ITGB5: variants seen among roughly 807,000 people sequenced by gnomAD.
ITGB5 encodes the protein integrin subunit beta 5.
Under a neutral mutation model 84.8 loss-of-function variants are expected in ITGB5, and 38 were observed. The ratio of observed to expected loss-of-function variants is 0.45; its 90% CI spans 0.35 to 0.59. The LOEUF (loss-of-function observed/expected upper bound fraction) is 0.59. ITGB5 is among the 20% of genes least tolerant of loss of function. The pLI is 0.01. For synonymous variants in ITGB5, 393 were observed against 414.4 expected (o/e 0.95, Z 0.63); for missense variants, 905 against 1,034.5 (o/e 0.87, Z 1.72).
chr3:124,834,477 A>AGGGAAGGAT (rs2064900955), intron 5 of ITGB5, among the ~76,000 whole-genome samples: 1 of 133,102 alleles, frequency 7.5e-6, no homozygotes, highest in Non-Finnish European at 1.6e-5. Flanking sequence ...GAGAGAAAGA[A>AGGGAAGGAT]GGGAAGGATG....
In ITGB5 at chr3:124,873,312, G is replaced by A. The variant is rs1579326291; in HGVS notation, c.156+134C>T. On this transcript the variant is annotated intron_variant, in intron 2 of 14. Coordinates refer to ENST00000296181, the MANE Select transcript of ITGB5 (RefSeq NM_002213.5). ...GATTTGTCATCACTCTGCCCTGATG[G>A]GGAAGAGGCAGCTTACAGAATCTGC... 5.5e-6 allele frequency: 4 copies of A among 730,768 alleles called. No individual in the cohort carries two copies. The African/African-American group carries it at 6.9e-5, about 13-fold the overall frequency. 45.3% of individuals were successfully genotyped at this position (730,768 alleles called of 1,614,324 possible).
intron 9 of ITGB5, among the ~76,000 whole-genome samples, chr3:124,798,377 C>A (rs779355798): frequency 2.6e-5 from 4 of 151,798 alleles, no homozygotes; most frequent in Non-Finnish European, 5.9e-5. Flanking sequence ...AAAATGTCAT[C>A]ATTCACTTGA....
At chr3:124,767,010 C>T (rs1011753046) in intron 12 of ITGB5, among the ~76,000 whole-genome samples, 1 of 152,234 alleles carries the variant, frequency 6.6e-6, no homozygotes, top group African/African-American at 2.4e-5. Context: ...CAACTCCCTG[C>T]CCCCTTGCTG....
intron 9 of ITGB5, among the ~76,000 whole-genome samples, chr3:124,801,117 C>G (rs1260892399): frequency 2.0e-5 from 3 of 152,170 alleles, no homozygotes; most frequent in Admixed American, 1.3e-4. Flanking sequence ...GCACAGGCTA[C>G]AGAGTCCCGA....
chr3:124,867,027 G>A (rs1405038807), intron 2 of ITGB5, among the ~76,000 whole-genome samples: 3 of 151,976 alleles, frequency 2.0e-5, no homozygotes, highest in Admixed American at 1.3e-4. Flanking sequence ...TTTCATTTCA[G>A]TTGGCCCATC....
chr3:124,808,237 A>C (rs1166135155), intron 9 of ITGB5, among the ~76,000 whole-genome samples: 1 of 152,184 alleles, frequency 6.6e-6, no homozygotes, highest in Non-Finnish European at 1.5e-5. Flanking sequence ...TTTGTTTCTA[A>C]CTAGATTCTT....
intron 1 of ITGB5, chr3:124,894,604 T>C (rs1362682687): frequency 6.6e-6 from 1 of 152,196 alleles, no homozygotes. Context: ...GCAATCACAA[T>C]GCGTTCCTCT....
chr3:124,771,184 T>TTAAC (rs941884776), intron 11 of ITGB5, among the ~76,000 whole-genome samples: 33 of 152,332 alleles, frequency 2.2e-4, no homozygotes, highest in Non-Finnish European at 4.0e-4. Flanking sequence ...TGAGAGCCTG[T>TTAAC]TAACTGAAAT....
chr3:124,815,470 C>G (rs1240082946), intron 8 of ITGB5, among the ~76,000 whole-genome samples: 4 of 152,242 alleles, frequency 2.6e-5, no homozygotes, highest in Non-Finnish European at 4.4e-5. Context: ...ATGAGCTGCT[C>G]TTCAGCCATT....
rs540811049 is a variant in ITGB5, at chr3:124,866,684, C to T, written c.156+6762G>A. ...CGGGGAGCTGGCTTCTTGCTAAGGC[C>T]GACCTTTCTGGCTGGGATATGGCAG... On this transcript the variant is annotated intron_variant, in intron 2 of 14. Coordinates refer to ENST00000296181, the MANE Select transcript of ITGB5 (RefSeq NM_002213.5). 1.2e-4 allele frequency among the ~76,000 whole-genome samples: 19 copies of T among 152,292 alleles called. No homozygotes were observed. In the East Asian group the frequency reaches 1.7e-3, roughly 14 times the overall value.
chr3:124,841,653 AT>A, intron 4 of ITGB5, 102 bp from the exon 5 acceptor site: 1 of 1,124,030 alleles, frequency 8.9e-7, no homozygotes, highest in Non-Finnish European at 1.3e-6. Flanking sequence ...ACCAATAACT[AT>A]TTACCCAGCA....
In ITGB5 at chr3:124,822,486, T is replaced by C. The variant is rs150544361; in HGVS notation, c.781-1012A>G. Among the ~76,000 whole-genome samples, 11 of 152,330 alleles carry C rather than the reference T, an allele frequency of 7.2e-5. No homozygotes were observed. The East Asian group carries it at 2.1e-3, about 29-fold the overall frequency. On this transcript the variant is annotated intron_variant, in intron 5 of 14. Transcript: ENST00000296181. ...ATGAAGAGTAGAGGGTATCATCCTCTCTTACTTATCATCATAATGGTGGAT... is the reference window on the plus strand; with the variant it reads ...ATGAAGAGTAGAGGGTATCATCCTCCCTTACTTATCATCATAATGGTGGAT...
At chr3:124,890,306 C>G (rs1344635985), upstream of ITGB5, among the ~76,000 whole-genome samples, 2 of 146,990 alleles carry the variant, frequency 1.4e-5, no homozygotes, top group African/African-American at 2.5e-5. Flanking sequence ...CAGGTTCAAG[C>G]AATTCTCCTG....
intron 7 of ITGB5, 23 bp downstream of exon 7, chr3:124,819,716 A>C: frequency 2.6e-6 from 4 of 1,524,120 alleles, no homozygotes; most frequent in Non-Finnish European, 3.6e-6. Flanking sequence ...ACAAATCACT[A>C]GCCTCCCTCC....
At chr3:124,811,362 TTTC>T (rs1189718519) in intron 8 of ITGB5, among the ~76,000 whole-genome samples, 1 of 152,222 alleles carries the variant, frequency 6.6e-6, no homozygotes, top group Non-Finnish European at 1.5e-5. Context: ...GATGAAAATA[TTTC>T]TTAAGACAAA....
chr3:124,813,567 C>T (rs1326049796), intron 8 of ITGB5, among the ~76,000 whole-genome samples: 1 of 152,184 alleles, frequency 6.6e-6, no homozygotes, highest in Non-Finnish European at 1.5e-5. Flanking sequence ...GCTAGAATGG[C>T]TCACAGAACT....
intron 3 of ITGB5, among the ~76,000 whole-genome samples, chr3:124,856,893 C>T (rs2065228726): frequency 6.6e-6 from 1 of 152,212 alleles, no homozygotes; most frequent in South Asian, 2.1e-4. Context: ...TCTACCCACT[C>T]ACACAGCTCT....
intron 5 of ITGB5, among the ~76,000 whole-genome samples, chr3:124,840,244 C>G (rs1022853878): frequency 3.9e-5 from 6 of 152,338 alleles, no homozygotes; most frequent in African/African-American, 1.4e-4. Context: ...GTTCTAGCCT[C>G]TGACCCTGCC....
At chr3:124,768,837 G>A (rs753480176) in intron 12 of ITGB5, among the ~76,000 whole-genome samples, 176 bp downstream of exon 12, 2 of 152,152 alleles carry the variant, frequency 1.3e-5, no homozygotes, top group African/African-American at 2.4e-5. Flanking sequence ...TCCAAAGTCC[G>A]TACCATTCTA....
Sources: gnomAD v4.1 joint callset for allele counts (sites outside exome capture counted in the v4.1 genomes callset) on GRCh38, gnomAD v4.1.1 for gene constraint, MANE v1.5 for transcripts, NCBI Gene and HGNC (gene_info 2026-07-23, HGNC 2026-07-21) for gene names.